The following GRM1 variants were observed in gnomAD, a reference collection of about 807,000 sequenced individuals.
GRM1 encodes glutamate metabotropic receptor 1.
Under a neutral mutation model 90.9 loss-of-function variants are expected in GRM1, and 33 were observed. The observed-to-expected ratio is 0.36, with a 90% CI of 0.28 to 0.49. The LOEUF is 0.49. Ranked by LOEUF, GRM1 falls within the 20% of genes least tolerant of loss-of-function variation. The pLI, the probability that GRM1 is intolerant of heterozygous loss-of-function variation, is 0.99. For synonymous variants in GRM1, 700 were observed against 613.2 expected (o/e 1.14, Z -2.09); for missense variants, 1,190 against 1,534.3 (o/e 0.78, Z 3.75).
chr6:146,042,308 A>G (rs1791142957), intron 1 of GRM1, among the ~76,000 whole-genome samples: 1 of 152,050 alleles, frequency 6.6e-6, no homozygotes, highest in Admixed American at 6.6e-5. Context: ...GGCTGCTAAT[A>G]TGCATCCTTG....
At chr6:146,241,488 C>T (rs951530476) in intron 2 of GRM1, among the ~76,000 whole-genome samples, 1 of 151,960 alleles carries the variant, frequency 6.6e-6, no homozygotes, top group Non-Finnish European at 1.5e-5. Context: ...TTTAATGATA[C>T]ATGTATTTAT....
chr6:146,107,825 A>G (rs1236348444), intron 1 of GRM1, among the ~76,000 whole-genome samples: 4 of 152,176 alleles, frequency 2.6e-5, no homozygotes. Context: ...ATATAAGGGA[A>G]TGCTTTTTCC....
At position 146,418,197 on chromosome 6, in the gene GRM1, T is replaced by C. The variant is rs562773656; in HGVS notation, c.2661-15675T>C. ...GGCGTGTCTCCTTAGTAGCTGTTCA[T>C]ATCTTTTAATATACAGTTTTAGAAT... On this transcript the variant is annotated intron_variant, in intron 7 of 7. Transcript: ENST00000282753. Among the ~76,000 whole-genome samples, 22 of 152,258 alleles carry C rather than the reference T, an allele frequency of 1.4e-4. No individual in the cohort carries two copies. The South Asian group carries it at 4.6e-3, about 32-fold the overall frequency.
chr6:146,278,740 C>T (rs898389601), intron 2 of GRM1, among the ~76,000 whole-genome samples: 6 of 152,142 alleles, frequency 3.9e-5, no homozygotes, highest in Non-Finnish European at 8.8e-5. Flanking sequence ...GCCGAGATCA[C>T]GCTACTGCAC....
intron 5 of GRM1, among the ~76,000 whole-genome samples, chr6:146,372,794 T>C (rs1183611664): frequency 1.3e-5 from 2 of 152,090 alleles, no homozygotes; most frequent in Non-Finnish European, 2.9e-5. Flanking sequence ...GTTCCTGGAT[T>C]CTCTATTCTG....
chr6:146,265,910 G>T (rs891358374), intron 2 of GRM1, among the ~76,000 whole-genome samples: 2 of 152,166 alleles, frequency 1.3e-5, no homozygotes, highest in African/African-American at 4.8e-5. Flanking sequence ...CATATTAGAG[G>T]CTGGGAGTGG....
At chr6:146,031,359 C>A (rs1284087931) in intron 1 of GRM1, among the ~76,000 whole-genome samples, 1 of 152,082 alleles carries the variant, frequency 6.6e-6, no homozygotes, top group African/African-American at 2.4e-5. Flanking sequence ...AAATGACTTT[C>A]AAGAAGCCAT....
intron 2 of GRM1, among the ~76,000 whole-genome samples, chr6:146,220,178 T>C (rs1407978751): frequency 6.6e-6 from 1 of 152,204 alleles, no homozygotes; most frequent in South Asian, 2.1e-4. Context: ...GAGAAACTAA[T>C]AAATTTCAAA....
chr6:146,203,988 A>C (rs1206867374), intron 2 of GRM1, among the ~76,000 whole-genome samples: 1 of 152,228 alleles, frequency 6.6e-6, no homozygotes, highest in Non-Finnish European at 1.5e-5. Flanking sequence ...TATAAGAATA[A>C]ATTCACTTGT....
At chr6:146,210,232 C>T (rs975769124) in intron 2 of GRM1, among the ~76,000 whole-genome samples, 1 of 152,110 alleles carries the variant, frequency 6.6e-6, no homozygotes, top group Non-Finnish European at 1.5e-5. Context: ...GGAAGCTTTG[C>T]AATTTGTCCA....
chr6:146,361,458 G>C (rs1267746432), intron 5 of GRM1, among the ~76,000 whole-genome samples: 1 of 152,148 alleles, frequency 6.6e-6, no homozygotes, highest in Non-Finnish European at 1.5e-5. Flanking sequence ...AGAACCCACT[G>C]CTGTTTTCCT....
At chr6:146,260,006 T>A (rs1360730386) in intron 2 of GRM1, among the ~76,000 whole-genome samples, 1 of 149,624 alleles carries the variant, frequency 6.7e-6, no homozygotes, top group Non-Finnish European at 1.5e-5. Flanking sequence ...GACACTATTT[T>A]ATTTTTATTA....
intron 1 of GRM1, among the ~76,000 whole-genome samples, chr6:146,113,467 A>G (rs76916473): frequency 0.022 from 3,391 of 152,310 alleles, 50 homozygotes; most frequent in Admixed American, 0.031. Context: ...ACACTGCTGC[A>G]TTTATGCTGT....
chr6:146,266,055 G>T (rs1468574443), intron 2 of GRM1, among the ~76,000 whole-genome samples: 1 of 152,026 alleles, frequency 6.6e-6, no homozygotes, highest in Non-Finnish European at 1.5e-5. Flanking sequence ...CAGGTATGGT[G>T]GTGCGTGCCT....
At chr6:146,303,074 G>A (rs954671411) in intron 2 of GRM1, among the ~76,000 whole-genome samples, 1 of 152,138 alleles carries the variant, frequency 6.6e-6, no homozygotes, top group African/African-American at 2.4e-5. Context: ...TATACCTTCA[G>A]CAACCCCTGA....
rs576900068 is a variant in GRM1, at chr6:146,344,068, A to G, written c.1187-8182A>G. On this transcript the variant is annotated intron_variant, in intron 3 of 7. Coordinates refer to ENST00000282753, the MANE Select transcript of GRM1 (RefSeq NM_001278064.2). ...AGTTTATCAGTTTATATACCAAACT[A>G]AATTTAAATTCATGCTGATGTTTCC... 1.6e-3 allele frequency among the ~76,000 whole-genome samples: 246 copies of G among 152,338 alleles called. 1 individual carries two copies. Among genetic ancestry groups the G allele is most frequent in the Non-Finnish European group, 2.5e-3 (168 of 68,036 alleles).
At chr6:146,149,709 G>A (rs1317761946) in intron 1 of GRM1, among the ~76,000 whole-genome samples, 1 of 152,138 alleles carries the variant, frequency 6.6e-6, no homozygotes, top group Non-Finnish European at 1.5e-5. Context: ...ACACGATGCT[G>A]AGAACACAGT....
intron 2 of GRM1, among the ~76,000 whole-genome samples, chr6:146,196,575 G>A (rs543737740): frequency 7.3e-4 from 111 of 151,286 alleles, no homozygotes; most frequent in African/African-American, 2.6e-3. Context: ...AAAGTGCTGG[G>A]ATTACAGGCA....
intron 3 of GRM1, among the ~76,000 whole-genome samples, chr6:146,308,182 G>A (rs1783647065): frequency 6.6e-6 from 1 of 152,182 alleles, no homozygotes; most frequent in South Asian, 2.1e-4. Flanking sequence ...CTGATAGGGT[G>A]TAGCATTTTG....
Sources: gnomAD v4.1 joint callset for allele counts (sites outside exome capture counted in the v4.1 genomes callset) on GRCh38, gnomAD v4.1.1 for gene constraint, MANE v1.5 for transcripts, NCBI Gene and HGNC (gene_info 2026-07-23, HGNC 2026-07-21) for gene names.